The following SPIDR variants were observed in gnomAD, a reference collection of about 807,000 sequenced individuals.
SPIDR encodes the protein DNA repair-scaffolding protein.
In SPIDR, 93 loss-of-function variants were observed where a neutral mutation model predicts 104.6. The observed-to-expected ratio is 0.89, with a 90% CI of 0.75 to 1.06. The LOEUF is 1.06. Among genes scored for constraint, SPIDR ranks in the 50% least tolerant of loss-of-function variants. The probability of loss-of-function intolerance (pLI) is 0.00; values close to 1 mark genes in which losing one functional copy is unlikely to be tolerated. For missense variants in SPIDR, 1,154 were observed against 1,111.2 expected, an observed-to-expected ratio of 1.04 and a Z score of -0.55; for synonymous variants, 431 against 416.9, an observed-to-expected ratio of 1.03 and a Z score of -0.41.
chr8:47,382,454 C>G (rs1174015894), intron 5 of SPIDR, among the ~76,000 whole-genome samples: 4 of 152,114 alleles, frequency 2.6e-5, no homozygotes, highest in Non-Finnish European at 4.4e-5. Context: ...CGCTCTGTTG[C>G]CAGGCTGGAG....
intron 14 of SPIDR, among the ~76,000 whole-genome samples, chr8:47,703,978 T>G (rs2080715654): frequency 6.6e-6 from 1 of 152,230 alleles, no homozygotes. Context: ...ACAGCGCTGA[T>G]ACATATGATC....
In SPIDR at chr8:47,727,283, C is replaced by A. The variant is rs1399614540; in HGVS notation, c.2425C>A (p.Pro809Thr). The A allele has an allele frequency of 1.2e-6, 2 of 1,613,966 alleles. No individual in the cohort carries two copies. Among genetic ancestry groups the A allele is most frequent in the Admixed American group, 1.7e-5 (1 of 60,012 alleles). ...MCGNGRLEQRPEDRGAFSCGD... is the reference protein window; with the variant it reads ...MCGNGRLEQRTEDRGAFSCGD... ...TGGCAACGGGAGATTGGAACAGAGG[C>A]CGGAAGACAGGTAAGGGGACAGGAG... is the stretch of plus-strand genomic sequence containing the variant. Residue 809 changes from proline to threonine, a missense_variant, in exon 17 of 20, where the codon CCG (proline) becomes ACG (threonine). By Grantham distance (38) the Pro-to-Thr change is conservative. Coordinates refer to ENST00000297423, the MANE Select transcript of SPIDR (RefSeq NM_001080394.4).
At chr8:47,567,944 C>T (rs1199748916) in intron 8 of SPIDR, among the ~76,000 whole-genome samples, 2 of 151,848 alleles carry the variant, frequency 1.3e-5, no homozygotes, top group East Asian at 3.9e-4. Context: ...GCCACCACAC[C>T]TAGAAATGTT....
chr8:47,380,689 AG>A (rs2059230429), intron 5 of SPIDR, among the ~76,000 whole-genome samples: 2 of 152,128 alleles, frequency 1.3e-5, no homozygotes, highest in Non-Finnish European at 2.9e-5. Context: ...GCTGCAGCTG[AG>A]GTTGGAAACA....
chr8:47,433,154 A>C (rs183646454), intron 7 of SPIDR, among the ~76,000 whole-genome samples: 3 of 152,194 alleles, frequency 2.0e-5, no homozygotes, highest in South Asian at 2.1e-4. Flanking sequence ...ATTCACTCCT[A>C]GTCCATTAAC....
rs1039660189 is a variant in SPIDR, at chr8:47,396,299, T to C, written c.526-77T>C. Reference sequence around the variant, plus strand: ...CTGTAACTGTAAGGGAATGGAATGATAGATGTATATAAATGTGGACTTGAA... The same window carrying C: ...CTGTAACTGTAAGGGAATGGAATGACAGATGTATATAAATGTGGACTTGAA... On this transcript the variant is annotated intron_variant, in intron 5 of 19. Coordinates refer to ENST00000297423, the MANE Select transcript of SPIDR (RefSeq NM_001080394.4). 5.1e-5 allele frequency: 61 copies of C among 1,194,782 alleles called. No homozygotes were observed. The Admixed American group carries it at 6.5e-4, about 13-fold the overall frequency. 74.0% of individuals were successfully genotyped at this position (1,194,782 alleles called of 1,614,324 possible). A position where few individuals can be genotyped will look rare whatever the true frequency, so the allele number is the denominator to read the frequency against.
At chr8:47,657,602 G>C (rs547946003) in intron 10 of SPIDR, among the ~76,000 whole-genome samples, 1 of 152,062 alleles carries the variant, frequency 6.6e-6, no homozygotes, top group Non-Finnish European at 1.5e-5. Context: ...CCTAGTTGTG[G>C]TATTGTACTA....
At position 47,540,118 on chromosome 8, in the gene SPIDR, T is replaced by C. The variant is rs371357646; in HGVS notation, c.1098-55693T>C. Among the ~76,000 whole-genome samples, 16 of 152,308 alleles carry C rather than the reference T, an allele frequency of 1.1e-4. No individual in the cohort carries two copies. In the East Asian group the frequency reaches 2.7e-3, roughly 26 times the overall value. On this transcript the variant is annotated intron_variant, in intron 8 of 19. Transcript: ENST00000297423. ...GTGTAGTTCACAGTTTGAGGGACTCTGCTGAGACAAGGTTTGAATCCTAAA... is the reference window on the plus strand; with the variant it reads ...GTGTAGTTCACAGTTTGAGGGACTCCGCTGAGACAAGGTTTGAATCCTAAA...
intron 7 of SPIDR, among the ~76,000 whole-genome samples, chr8:47,433,141 C>T (rs1053439874): frequency 1.3e-5 from 2 of 152,176 alleles, no homozygotes; most frequent in Non-Finnish European, 2.9e-5. Context: ...TACTCTGTCT[C>T]ATATTCACTC....
intron 5 of SPIDR, among the ~76,000 whole-genome samples, chr8:47,313,644 G>A (rs587717262): frequency 9.9e-5 from 15 of 152,254 alleles, no homozygotes; most frequent in South Asian, 6.2e-4. Context: ...GAGGCATCAC[G>A]CTACCTGACT....
chr8:47,299,146 G>A (rs1202801994), intron 5 of SPIDR, among the ~76,000 whole-genome samples: 2 of 152,176 alleles, frequency 1.3e-5, no homozygotes, highest in Non-Finnish European at 2.9e-5. Flanking sequence ...GTGGTTTGTA[G>A]TTCTCCTTGA....
intron 5 of SPIDR, among the ~76,000 whole-genome samples, chr8:47,294,878 T>A (rs1366180032): frequency 1.3e-5 from 2 of 152,272 alleles, no homozygotes; most frequent in African/African-American, 4.8e-5. Context: ...AGTTTTTGGC[T>A]TTTACTTCTT....
intron 5 of SPIDR, among the ~76,000 whole-genome samples, chr8:47,311,071 A>C (rs1446543891): frequency 5.3e-5 from 8 of 152,222 alleles, no homozygotes; most frequent in Non-Finnish European, 1.2e-4. Context: ...ATATAAAGAA[A>C]ATATGTACAC....
intron 5 of SPIDR, among the ~76,000 whole-genome samples, chr8:47,339,306 A>G (rs1366451345): frequency 6.6e-6 from 1 of 152,190 alleles, no homozygotes; most frequent in Non-Finnish European, 1.5e-5. Flanking sequence ...GAACGAATTT[A>G]CTATGATCCT....
intron 10 of SPIDR, among the ~76,000 whole-genome samples, chr8:47,633,386 C>G (rs2067361236): frequency 6.6e-6 from 1 of 152,010 alleles, no homozygotes; most frequent in African/African-American, 2.4e-5. Flanking sequence ...CAGGAAAGGA[C>G]TACAGTCTTC....
chr8:47,421,031 C>G (rs1162431892), intron 7 of SPIDR, among the ~76,000 whole-genome samples: 2 of 152,222 alleles, frequency 1.3e-5, no homozygotes, highest in African/African-American at 4.8e-5. Flanking sequence ...TTCTCTCTGG[C>G]TGCCCTTAAC....
At chr8:47,657,730 T>G (rs1013906078) in intron 10 of SPIDR, among the ~76,000 whole-genome samples, 1 of 152,052 alleles carries the variant, frequency 6.6e-6, no homozygotes, top group Non-Finnish European at 1.5e-5. Context: ...AATAAAAATT[T>G]CAATTAATAA....
In SPIDR at chr8:47,576,623, A is replaced by G. The variant is rs144976735; in HGVS notation, c.1098-19188A>G. ...TAATTTGTATATTTTTAGTACAGAC[A>G]GGATTTCACCATGTTGACCAGGCCG... On this transcript the variant is annotated intron_variant, in intron 8 of 19. Coordinates refer to ENST00000297423, the MANE Select transcript of SPIDR (RefSeq NM_001080394.4). Among the ~76,000 whole-genome samples, 91 of 148,988 alleles carry G rather than the reference A, an allele frequency of 6.1e-4. 2 individuals carry two copies. In the East Asian group the frequency reaches 0.018, roughly 29 times the overall value.
chr8:47,472,567 G>A lies in SPIDR; in HGVS notation c.1097+32025G>A, dbSNP rs187776583. Among the ~76,000 whole-genome samples, 201 of 152,346 alleles carry A rather than the reference G, an allele frequency of 1.3e-3. 2 individuals are homozygous for A. Among genetic ancestry groups the A allele is most frequent in the Admixed American group, 3.0e-3 (46 of 15,302 alleles). On this transcript the variant is annotated intron_variant, in intron 8 of 19. Transcript: ENST00000297423. ...ATATCACACATGTAGTGTAAACTAAGTGAAGTCATAGAGGTGAGATGTGCT... is the reference window on the plus strand; with the variant it reads ...ATATCACACATGTAGTGTAAACTAAATGAAGTCATAGAGGTGAGATGTGCT...
Sources: gnomAD v4.1 joint callset for allele counts (sites outside exome capture counted in the v4.1 genomes callset) on GRCh38, gnomAD v4.1.1 for gene constraint, MANE v1.5 for transcripts, NCBI Gene and HGNC (gene_info 2026-07-23, HGNC 2026-07-21) for gene names.